The following PCDHGA7 variants were observed in gnomAD, a reference collection of about 807,000 sequenced individuals.
PCDHGA7 encodes the protein protocadherin gamma subfamily A, 7.
Under a neutral mutation model 58.3 loss-of-function variants are expected in PCDHGA7, and 44 were observed. That is an observed-to-expected ratio of 0.75 (90% CI 0.59 to 0.97). The LOEUF is 0.97. Ranked by LOEUF, PCDHGA7 falls within the 50% of genes least tolerant of loss-of-function variation. The pLI, the probability that PCDHGA7 is intolerant of heterozygous loss-of-function variation, is 0.00. For synonymous variants in PCDHGA7, 516 were observed against 504.2 expected (o/e 1.02, Z -0.31); for missense variants, 1,266 against 1,188.7 (o/e 1.06, Z -0.96).
At chr5:141,419,316 G>T in intron 1 of PCDHGA7, 2 of 1,613,994 alleles carry the variant, frequency 1.2e-6, no homozygotes, top group Non-Finnish European at 1.7e-6. Context: ...CTCAACGGCC[G>T]TGTCTCCTAC....
At position 141,393,344 on chromosome 5, in the gene PCDHGA7, C is replaced by G. The variant is rs1428830318; in HGVS notation, c.2424+8021C>G. On this transcript the variant is annotated intron_variant, in intron 1 of 3. Transcript: ENST00000518325. ...GCTACCAGCTCAGCCCCAATCACCA[C>G]TTCTCCCTGGACGTGCAGACTGGAG... The G allele has an allele frequency of 9.9e-6, 16 of 1,613,888 alleles. No individual in the cohort carries two copies. The highest frequency in any genetic ancestry group is 1.2e-5 in the Non-Finnish European group (14 of 1,179,904).
intron 1 of PCDHGA7, chr5:141,421,043 C>T (rs1201118615): frequency 5.5e-6 from 3 of 548,238 alleles, no homozygotes; most frequent in African/African-American, 3.9e-5. Flanking sequence ...CCTCCCTCCC[C>T]CGCCTCTACC....
rs201857404 is a variant in PCDHGA7, at chr5:141,485,844, G to C, written c.2425-8963G>C. The C allele has an allele frequency of 1.1e-5, 18 of 1,613,772 alleles. No homozygotes were observed. The highest frequency in any genetic ancestry group is 1.4e-5 in the Non-Finnish European group (16 of 1,179,956). ...GATGGAGGGAACCCGCCGAGATCTG[G>C]CACCGCAGAGCTCCGGGTATCCGTG... is the stretch of plus-strand genomic sequence containing the variant. On this transcript the variant is annotated intron_variant, in intron 1 of 3. Transcript: ENST00000518325. This position sits in a 1 kb window ranked among gnomAD's most constrained non-coding sequence, Gnocchi z 5.7.
chr5:141,383,537 C>T lies in PCDHGA7; in HGVS notation c.638C>T (p.Thr213Ile). Reference sequence around the variant, plus strand: ...GAGCGGGTTCACCACCTGGTCCTCACAGCCTCTGATGGCGGCGACCCGCCC... The same window carrying T: ...GAGCGGGTTCACCACCTGGTCCTCATAGCCTCTGATGGCGGCGACCCGCCC... ...EEERVHHLVL[T>I]ASDGGDPPRS... Residue 213 changes from threonine to isoleucine, a missense_variant, in exon 1 of 4, where the codon ACA (threonine) becomes ATA (isoleucine). Thr to Ile is a moderately conservative substitution (Grantham distance 89, BLOSUM62 -1). Coordinates refer to ENST00000518325, the MANE Select transcript of PCDHGA7 (RefSeq NM_018920.4). 1 of 1,612,570 alleles carries T rather than the reference C, an allele frequency of 6.2e-7. No homozygotes were observed. The highest frequency in any genetic ancestry group is 1.3e-5 in the African/African-American group (1 of 75,008).
intron 2 of PCDHGA7, among the ~76,000 whole-genome samples, chr5:141,502,832 G>T (rs1266910323): frequency 6.6e-6 from 1 of 150,516 alleles, no homozygotes; most frequent in Non-Finnish European, 1.5e-5. Context: ...GGGGAAGCCT[G>T]GACTGGCTGA....
chr5:141,445,249 G>T (rs1337658576), intron 1 of PCDHGA7, among the ~76,000 whole-genome samples: 2 of 152,170 alleles, frequency 1.3e-5, no homozygotes, highest in Non-Finnish European at 2.9e-5. Context: ...ACTATATTGT[G>T]TGAGAATATA....
At chr5:141,430,873 G>C (rs2097319709) in intron 1 of PCDHGA7, 1 of 1,598,842 alleles carries the variant, frequency 6.3e-7, no homozygotes, top group African/African-American at 1.3e-5. Flanking sequence ...TTCCGGAAGA[G>C]CTGGAGAAAG....
At chr5:141,492,191 G>A (rs996614987) in intron 1 of PCDHGA7, among the ~76,000 whole-genome samples, 1 of 152,204 alleles carries the variant, frequency 6.6e-6, no homozygotes, top group African/African-American at 2.4e-5. Context: ...ACCTGTCTGC[G>A]GGACTTAGGT....
At chr5:141,414,936 G>T in intron 1 of PCDHGA7, 1 of 1,614,118 alleles carries the variant, frequency 6.2e-7, no homozygotes, top group South Asian at 1.1e-5. Context: ...GCTCCGCAGA[G>T]CCCGGCTACC....
chr5:141,433,042 G>C (rs752612411), intron 1 of PCDHGA7: 6 of 1,614,142 alleles, frequency 3.7e-6, no homozygotes, highest in Non-Finnish European at 5.1e-6. Flanking sequence ...CCCTCACCAC[G>C]GACTCGCGGA....
chr5:141,394,748 C>G (rs960054108), intron 1 of PCDHGA7: 7 of 1,613,296 alleles, frequency 4.3e-6, no homozygotes, highest in Non-Finnish European at 5.9e-6. Flanking sequence ...TCGTGGTGGC[C>G]GTCCAGGACC....
intron 1 of PCDHGA7, chr5:141,427,435 T>C (rs536693959): frequency 2.1e-6 from 1 of 474,160 alleles, no homozygotes; most frequent in African/African-American, 2.0e-5. Flanking sequence ...ACATGCCTCA[T>C]AAACGAAAGA....
At chr5:141,409,681 G>A in intron 1 of PCDHGA7, 1 of 1,613,368 alleles carries the variant, frequency 6.2e-7, no homozygotes, top group South Asian at 1.1e-5. Flanking sequence ...CTATAGTGGC[G>A]AGTGACCTAG....
chr5:141,412,983 G>A (rs1372992044), intron 1 of PCDHGA7: 1 of 557,334 alleles, frequency 1.8e-6, no homozygotes, highest in Admixed American at 3.6e-5. Context: ...CGCAGCCAGA[G>A]CTCAATCCGG....
At chr5:141,428,145 A>T (rs748256830) in intron 1 of PCDHGA7, 11 of 1,592,456 alleles carry the variant, frequency 6.9e-6, no homozygotes, top group Non-Finnish European at 8.6e-7. Flanking sequence ...GGGGCTGCAC[A>T]CGGGAACCTG....
chr5:141,489,830 A>G lies in PCDHGA7; in HGVS notation c.2425-4977A>G, dbSNP rs760376311. On this transcript the variant is annotated intron_variant, in intron 1 of 3. Coordinates refer to ENST00000518325, the MANE Select transcript of PCDHGA7 (RefSeq NM_018920.4). The surrounding 1 kb of genome is among the most constrained non-coding windows in gnomAD (Gnocchi z 4.5). ...AAGCCATTCCCAGAGCTGGTGCTAG[A>G]GCAGCAGCTGGATCGTGAAGCCCAG... 1.9e-6 allele frequency: 3 copies of G among 1,614,200 alleles called. No individual in the cohort carries two copies. Among genetic ancestry groups the G allele is most frequent in the East Asian group, 2.2e-5 (1 of 44,878 alleles).
rs200464357 is a variant in PCDHGA7 at position 141,489,983 on chromosome 5, G to A, written c.2425-4824G>A. 4.5e-5 allele frequency: 73 copies of A among 1,614,172 alleles called. No homozygotes were observed. Among genetic ancestry groups the A allele is most frequent in the Middle Eastern group, 3.3e-4 (2 of 6,062 alleles). ...CCAACCTTCCAATCCTCAGTTCTAC[G>A]TGTGGGAATCCCAGAGAATGCACCC... On this transcript the variant is annotated intron_variant, in intron 1 of 3. Coordinates refer to ENST00000518325, the MANE Select transcript of PCDHGA7 (RefSeq NM_018920.4). This position sits in a 1 kb window ranked among gnomAD's most constrained non-coding sequence, Gnocchi z 4.5.
chr5:141,428,513 AAAG>A (rs891793310), intron 1 of PCDHGA7: 2 of 280,938 alleles, frequency 7.1e-6, no homozygotes, highest in Non-Finnish European at 1.4e-5. Context: ...GATTCTAGAA[AAAG>A]AAGATTTAAT....
chr5:141,445,188 G>A (rs1267342449), intron 1 of PCDHGA7, among the ~76,000 whole-genome samples: 5 of 152,198 alleles, frequency 3.3e-5, no homozygotes, highest in South Asian at 2.1e-4. Flanking sequence ...ATGTTTTTAT[G>A]TATTCTATAT....
Sources: allele counts gnomAD v4.1 joint callset (sites outside exome capture counted in the v4.1 genomes callset), GRCh38; gene constraint gnomAD v4.1.1; non-coding constraint Gnocchi (gnomAD v3.1); transcripts MANE v1.5; gene names NCBI Gene and HGNC (gene_info 2026-07-23, HGNC 2026-07-21).